Variants in FAM151B observed in about 807,000 individuals in gnomAD.
FAM151B encodes family with sequence similarity 151 member B.
In FAM151B, 24 loss-of-function variants were observed where a neutral mutation model predicts 31.2. That is an observed-to-expected ratio of 0.77 (90% CI 0.56 to 1.08). The LOEUF is 1.08. FAM151B is among the 50% of genes least tolerant of loss of function. The pLI is 0.00. For missense variants in FAM151B, 293 were observed against 328.6 expected, an observed-to-expected ratio of 0.89 and a Z score of 0.84; for synonymous variants, 105 against 111.4, an observed-to-expected ratio of 0.94 and a Z score of 0.36.
At chr5:80,494,669 C>G (rs1022306306) in intron 1 of FAM151B, among the ~76,000 whole-genome samples, 1 of 151,446 alleles carries the variant, frequency 6.6e-6, no homozygotes, top group African/African-American at 2.4e-5. Context: ...CACACCACCA[C>G]GGCCTACTAA....
Position 80,501,935 on chromosome 5 carries a change from C to G in FAM151B, c.151+18C>G. On this transcript the variant is annotated intron_variant, in intron 2 of 5. Transcript: ENST00000282226. Reference sequence around the variant, plus strand: ...ACTGAAAAGTAAGTCAGTACAGTTACTTGTAATTTACTTTGGATAATAGAT... The same window carrying G: ...ACTGAAAAGTAAGTCAGTACAGTTAGTTGTAATTTACTTTGGATAATAGAT... 6.5e-7 allele frequency: 1 copy of G among 1,543,982 alleles called. No individual in the cohort carries two copies. Among genetic ancestry groups the G allele is most frequent in the South Asian group, 1.3e-5 (1 of 78,732 alleles).
intron 5 of FAM151B, among the ~76,000 whole-genome samples, chr5:80,525,061 A>G (rs1295724535): frequency 6.6e-6 from 1 of 152,230 alleles, no homozygotes; most frequent in Non-Finnish European, 1.5e-5. Context: ...AAAAATAGCT[A>G]TAAAAGACAG....
chr5:80,511,614 A>AT (rs1221435606), intron 2 of FAM151B, among the ~76,000 whole-genome samples: 2 of 151,140 alleles, frequency 1.3e-5, no homozygotes, highest in Admixed American at 6.6e-5. Context: ...TTTAAAAAAA[A>AT]TTTTTTTTTG....
intron 1 of FAM151B, chr5:80,495,341 C>T (rs1482356413): frequency 6.6e-6 from 1 of 152,038 alleles, no homozygotes; most frequent in African/African-American, 2.4e-5. Context: ...CTATAGCTGC[C>T]ATAGATAGTG....
At chr5:80,497,068 C>T (rs1743569673) in intron 1 of FAM151B, among the ~76,000 whole-genome samples, 1 of 151,926 alleles carries the variant, frequency 6.6e-6, no homozygotes, top group African/African-American at 2.4e-5. Context: ...ACCTCGACCT[C>T]CCAAAGTGCT....
intron 3 of FAM151B, among the ~76,000 whole-genome samples, chr5:80,514,049 G>A (rs990477428): frequency 1.3e-5 from 2 of 152,150 alleles, no homozygotes; most frequent in Non-Finnish European, 2.9e-5. Flanking sequence ...ATGTTAAAAA[G>A]TAACCCAGGA....
At chr5:80,495,009 T>A (rs1484921404) in intron 1 of FAM151B, 1 of 152,044 alleles carries the variant, frequency 6.6e-6, no homozygotes, top group African/African-American at 2.4e-5. Flanking sequence ...AATCACAGGG[T>A]CCTTAGGAAT....
intron 1 of FAM151B, among the ~76,000 whole-genome samples, chr5:80,494,473 TTTCTTTCTTTC>T (rs1743448183): frequency 2.2e-5 from 2 of 89,632 alleles, no homozygotes; most frequent in African/African-American, 7.5e-5. Context: ...TCTTTCTTTC[TTTCTTTCTTTC>T]TTTCTTTCTT....
intron 1 of FAM151B, among the ~76,000 whole-genome samples, chr5:80,490,107 G>A (rs1743268314): frequency 6.8e-6 from 1 of 146,094 alleles, no homozygotes; most frequent in Non-Finnish European, 1.5e-5. Flanking sequence ...GAAAAGTTCC[G>A]TCCTGGCCGG....
chr5:80,535,058 T>C (rs1353502800), intron 5 of FAM151B, among the ~76,000 whole-genome samples: 3 of 152,132 alleles, frequency 2.0e-5, no homozygotes, highest in Non-Finnish European at 2.9e-5. Flanking sequence ...GTGAAAGATC[T>C]CTATAATTAA....
At chr5:80,500,976 A>G (rs765300312) in intron 1 of FAM151B, 12 of 657,936 alleles carry the variant, frequency 1.8e-5, no homozygotes, top group Non-Finnish European at 3.0e-5. Context: ...TATCTTCGCC[A>G]TGAGGCGGAA....
Position 80,506,016 on chromosome 5 carries a change from G to A in FAM151B, c.151+4099G>A, listed in dbSNP as rs183142627. ...CATGATCCGCCTGCCTTGGCCTCGC[G>A]AAGTGCTGGGATTACAGGTGTGAGC... is the stretch of plus-strand genomic sequence containing the variant. On this transcript the variant is annotated intron_variant, in intron 2 of 5. Coordinates refer to ENST00000282226, the MANE Select transcript of FAM151B (RefSeq NM_205548.3). 77 of 952,212 alleles carry A rather than the reference G, an allele frequency of 8.1e-5. No homozygotes were observed. In the East Asian group the frequency reaches 4.9e-3, roughly 60 times the overall value. 59.0% of individuals were successfully genotyped at this position (952,212 alleles called of 1,614,324 possible). A position where few individuals can be genotyped will look rare whatever the true frequency, so the allele number is the denominator to read the frequency against.
intron 5 of FAM151B, among the ~76,000 whole-genome samples, chr5:80,538,499 CTTTCTTTTCTTTCT>C (rs757972551): frequency 2.3e-4 from 26 of 113,018 alleles, no homozygotes; most frequent in African/African-American, 4.6e-4. Context: ...TCCTTCCTTC[CTTTCTTTTCTTTCT>C]TTCCTTCCTT....
intron 2 of FAM151B, among the ~76,000 whole-genome samples, chr5:80,505,090 T>C (rs1743900943): frequency 6.6e-6 from 1 of 152,226 alleles, no homozygotes; most frequent in Non-Finnish European, 1.5e-5. Context: ...CTGGAAGCTG[T>C]TTGGATAGTA....
intron 1 of FAM151B, among the ~76,000 whole-genome samples, chr5:80,494,254 G>A (rs1369425768): frequency 6.6e-6 from 1 of 152,174 alleles, no homozygotes; most frequent in Non-Finnish European, 1.5e-5. Context: ...CAGAAGAAAA[G>A]CTGGAGATTC....
intron 5 of FAM151B, 155 bp downstream of exon 5, chr5:80,522,293 C>T (rs954132226): frequency 3.8e-5 from 25 of 655,966 alleles, no homozygotes; most frequent in East Asian, 2.8e-4. Context: ...ACTCCCTCAC[C>T]GGATTGGAGC....
chr5:80,519,609 GAACAT>G, intron 3 of FAM151B, 79 bp from the exon 4 acceptor site: 1 of 1,092,402 alleles, frequency 9.2e-7, no homozygotes, highest in Non-Finnish European at 1.3e-6. Context: ...ATGAATTTGA[GAACAT>G]TGAGACCACT....
intron 2 of FAM151B, among the ~76,000 whole-genome samples, chr5:80,508,831 CT>C (rs1456551705): frequency 6.6e-6 from 1 of 152,168 alleles, no homozygotes; most frequent in Non-Finnish European, 1.5e-5. Flanking sequence ...GATTCCATAT[CT>C]AGCTATGTGG....
In FAM151B at chr5:80,541,897, T is replaced by A. The variant is rs995274741; in HGVS notation, c.*65T>A. On this transcript the variant is annotated 3_prime_UTR_variant, in exon 6 of 6. Coordinates refer to ENST00000282226, the MANE Select transcript of FAM151B (RefSeq NM_205548.3). ...AATCCTTCTCTCCATTGGTCTGAATTAATTACCATATAAATTATGGTTATT... is the reference window on the plus strand; with the variant it reads ...AATCCTTCTCTCCATTGGTCTGAATAAATTACCATATAAATTATGGTTATT... The A allele has an allele frequency of 1.4e-5, 20 of 1,471,326 alleles. No homozygotes were observed. The highest frequency in any genetic ancestry group is 1.7e-5 in the Non-Finnish European group (19 of 1,086,488). The allele number at this position is 1,471,326 out of a possible 1,614,324, so 91.1% of individuals were successfully genotyped here. A position where few individuals can be genotyped will look rare whatever the true frequency, so the allele number is the denominator to read the frequency against.
Sources: gnomAD v4.1 joint callset for allele counts (sites outside exome capture counted in the v4.1 genomes callset) on GRCh38, gnomAD v4.1.1 for gene constraint, MANE v1.5 for transcripts, NCBI Gene and HGNC (gene_info 2026-07-23, HGNC 2026-07-21) for gene names.